Variants in OTUD7A observed in about 807,000 individuals in gnomAD.
OTUD7A encodes OTU deubiquitinase 7A.
Under a neutral mutation model 65.7 loss-of-function variants are expected in OTUD7A, and 12 were observed. That is an observed-to-expected ratio of 0.18 (90% CI 0.12 to 0.30). OTUD7A has a LOEUF of 0.30. OTUD7A is among the 10% of genes least tolerant of loss of function. The probability of loss-of-function intolerance (pLI) is 1.00; values close to 1 mark genes in which losing one functional copy is unlikely to be tolerated. For missense variants in OTUD7A, 1,148 were observed against 1,304.8 expected (o/e 0.88, Z 1.85); for synonymous variants, 641 against 586.3 (o/e 1.09, Z -1.35).
intron 8 of OTUD7A, among the ~76,000 whole-genome samples, chr15:31,509,897 TA>T (rs2041654446): frequency 1.3e-5 from 2 of 150,726 alleles, no homozygotes; most frequent in African/African-American, 4.9e-5. Context: ...CTTTTCTAGT[TA>T]TTTTTTTACT....
rs564767757 is a variant in OTUD7A, at chr15:31,572,014, T to G, written c.152-1817A>C. On this transcript the variant is annotated intron_variant, in intron 3 of 12. Coordinates refer to ENST00000307050, the MANE Select transcript of OTUD7A (RefSeq NM_001382637.1). ...CTAATTTTTCTTCTTGCTCTTCTTT[T>G]CTCTTAATTTATACCCTCCTTTGAA... 2.3e-4 allele frequency among the ~76,000 whole-genome samples: 35 copies of G among 152,310 alleles called. 1 individual carries two copies. The South Asian group carries it at 6.8e-3, about 30-fold the overall frequency.
At chr15:31,512,599 G>C (rs912644574) in intron 8 of OTUD7A, among the ~76,000 whole-genome samples, 1 of 152,082 alleles carries the variant, frequency 6.6e-6, no homozygotes, top group Non-Finnish European at 1.5e-5. Context: ...TGGCTGGAAC[G>C]GGATTTTACA....
intron 4 of OTUD7A, among the ~76,000 whole-genome samples, chr15:31,564,166 T>C (rs1273069629): frequency 6.6e-6 from 1 of 152,152 alleles, no homozygotes; most frequent in African/African-American, 2.4e-5. Flanking sequence ...AATAGGGATG[T>C]GAAAACATCA....
rs992019423 is a variant in OTUD7A at position 31,480,968 on chromosome 15, A to G, written c.*2326T>C. 4 of 152,232 alleles carry G rather than the reference A, an allele frequency of 2.6e-5. No homozygotes were observed. Among genetic ancestry groups the G allele is most frequent in the Non-Finnish European group, 5.9e-5 (4 of 68,046 alleles). 9.4% of individuals were successfully genotyped at this position (152,232 alleles called of 1,614,324 possible). A position where few individuals can be genotyped will look rare whatever the true frequency, so the allele number is the denominator to read the frequency against. On this transcript the variant is annotated 3_prime_UTR_variant, in exon 13 of 13. Coordinates refer to ENST00000307050, the MANE Select transcript of OTUD7A (RefSeq NM_001382637.1). ...ATGGGTGGAGGTAACTTGGAAATGC[A>G]AGGGTAGAATAGGTCCTGGTGTTTT... is the stretch of plus-strand genomic sequence containing the variant.
intron 1 of OTUD7A, among the ~76,000 whole-genome samples, chr15:31,821,754 A>G (rs1462467714): frequency 6.6e-6 from 1 of 152,222 alleles, no homozygotes; most frequent in African/African-American, 2.4e-5. Context: ...TGATAGTTCC[A>G]ATTTCTCTAC....
chr15:31,528,213 G>A (rs1419119762), intron 6 of OTUD7A, among the ~76,000 whole-genome samples: 2 of 152,190 alleles, frequency 1.3e-5, no homozygotes, highest in East Asian at 1.9e-4. Flanking sequence ...GCAGCCCCAC[G>A]AGGAGAGGTG....
chr15:31,799,266 A>C (rs1230598628), intron 1 of OTUD7A, among the ~76,000 whole-genome samples: 1 of 152,194 alleles, frequency 6.6e-6, no homozygotes, highest in Non-Finnish European at 1.5e-5. Flanking sequence ...GTAGCCCCAG[A>C]ATAACACAGT....
intron 3 of OTUD7A, among the ~76,000 whole-genome samples, chr15:31,650,993 T>C (rs1434175185): frequency 6.7e-6 from 1 of 148,380 alleles, no homozygotes; most frequent in Non-Finnish European, 1.5e-5. Flanking sequence ...ATGGAGGAAG[T>C]AGTCAGTCAG....
chr15:31,848,259 T>G lies in OTUD7A; in HGVS notation c.-100+22248A>C, dbSNP rs567467276. ...ACACGAGAGGCAGGGGCTAGGGTCTTGAAGAGAAGGCCCTGCTGGGCACGC... is the reference window on the plus strand; with the variant it reads ...ACACGAGAGGCAGGGGCTAGGGTCTGGAAGAGAAGGCCCTGCTGGGCACGC... On this transcript the variant is annotated intron_variant, in intron 1 of 12. Coordinates refer to ENST00000307050, the MANE Select transcript of OTUD7A (RefSeq NM_001382637.1). 1.1e-4 allele frequency among the ~76,000 whole-genome samples: 16 copies of G among 152,154 alleles called. No homozygotes were observed. The South Asian group carries it at 3.3e-3, about 32-fold the overall frequency.
intron 1 of OTUD7A, among the ~76,000 whole-genome samples, chr15:31,723,257 G>A (rs1407926619): frequency 1.3e-5 from 2 of 152,242 alleles, no homozygotes; most frequent in Non-Finnish European, 2.9e-5. Flanking sequence ...AGCTGATGGC[G>A]CAGCTCTGGA....
chr15:31,744,568 G>A (rs530446224), intron 1 of OTUD7A, among the ~76,000 whole-genome samples: 2 of 152,070 alleles, frequency 1.3e-5, no homozygotes, highest in Admixed American at 6.5e-5. Context: ...CTGCAATACA[G>A]GGCATTTTTA....
At chr15:31,592,797 G>A (rs1168283131) in intron 3 of OTUD7A, among the ~76,000 whole-genome samples, 2 of 140,722 alleles carry the variant, frequency 1.4e-5, no homozygotes, top group Non-Finnish European at 3.0e-5. Flanking sequence ...GGAGAATGGC[G>A]TGAACCCAGG....
intron 1 of OTUD7A, among the ~76,000 whole-genome samples, chr15:31,669,184 AACC>A (rs1892411928): frequency 6.6e-6 from 1 of 152,182 alleles, no homozygotes; most frequent in Non-Finnish European, 1.5e-5. Flanking sequence ...CATGGAGAAG[AACC>A]AGTGGTGGGT....
chr15:31,477,443 C>A lies in OTUD7A; in HGVS notation c.*5851G>T, dbSNP rs1471460998. 1 of 152,238 alleles carries A rather than the reference C, an allele frequency of 6.6e-6. No individual in the cohort carries two copies. The highest frequency in any genetic ancestry group is 1.5e-5 in the Non-Finnish European group (1 of 68,052). 9.4% of individuals were successfully genotyped at this position (152,238 alleles called of 1,614,324 possible). ...TGGTTCCAAAATGCTCCCCTGCGAA[C>A]AGTGAGCCTCATATTTGTGAGGTGG... On this transcript the variant is annotated 3_prime_UTR_variant, in exon 13 of 13. Transcript: ENST00000307050.
intron 1 of OTUD7A, among the ~76,000 whole-genome samples, chr15:31,743,970 A>C (rs1464315853): frequency 6.6e-6 from 1 of 152,160 alleles, no homozygotes; most frequent in Admixed American, 6.5e-5. Flanking sequence ...AGAATAAGAA[A>C]ATACTGTGAA....
chr15:31,807,209 C>A (rs942860112), intron 1 of OTUD7A, among the ~76,000 whole-genome samples: 3 of 152,134 alleles, frequency 2.0e-5, no homozygotes, highest in Non-Finnish European at 4.4e-5. Flanking sequence ...CAGGTGAAAT[C>A]GAGCCTCGGA....
At chr15:31,777,790 C>T (rs1055227644) in intron 1 of OTUD7A, among the ~76,000 whole-genome samples, 5 of 152,120 alleles carry the variant, frequency 3.3e-5, no homozygotes, top group Admixed American at 3.3e-4. Context: ...TGGGGGCAGC[C>T]CACAAACTCT....
At chr15:31,581,716 C>T (rs1448902556) in intron 3 of OTUD7A, among the ~76,000 whole-genome samples, 1 of 152,222 alleles carries the variant, frequency 6.6e-6, no homozygotes, top group Non-Finnish European at 1.5e-5. Context: ...AGGCCCTGGG[C>T]CTGGCCCATG....
At chr15:31,509,339 T>C (rs537134756) in intron 8 of OTUD7A, among the ~76,000 whole-genome samples, 2 of 152,112 alleles carry the variant, frequency 1.3e-5, no homozygotes, top group South Asian at 2.1e-4. Flanking sequence ...AGTGCAGTGG[T>C]GCGATCTCAG....
Sources: allele counts gnomAD v4.1 joint callset (sites outside exome capture counted in the v4.1 genomes callset), GRCh38; gene constraint gnomAD v4.1.1; transcripts MANE v1.5; gene names NCBI Gene and HGNC (gene_info 2026-07-23, HGNC 2026-07-21).